ARFGEF2: variants seen among roughly 807,000 people sequenced by gnomAD.
ARFGEF2 encodes the protein brefeldin A-inhibited guanine nucleotide-exchange protein 2.
In ARFGEF2, 74 loss-of-function variants were observed where a neutral mutation model predicts 219.9. The ratio of observed to expected loss-of-function variants is 0.34; its 90% CI spans 0.28 to 0.41. The LOEUF (loss-of-function observed/expected upper bound fraction) is 0.41. ARFGEF2 is among the 10% of genes least tolerant of loss of function. ARFGEF2 has a pLI of 1.00. For missense variants in ARFGEF2, 1,743 were observed against 2,218.3 expected (o/e 0.79, Z 4.30); for synonymous variants, 733 against 799.2 (o/e 0.92, Z 1.40).
At chr20:49,008,337 C>T (rs543145798) in intron 26 of ARFGEF2, among the ~76,000 whole-genome samples, 6 of 151,786 alleles carry the variant, frequency 4.0e-5, no homozygotes, top group Admixed American at 3.3e-4. Context: ...TCGAGGCAGG[C>T]GGATCACCTG....
At chr20:48,957,648 G>A (rs558747268) in intron 6 of ARFGEF2, among the ~76,000 whole-genome samples, 1 of 152,262 alleles carries the variant, frequency 6.6e-6, no homozygotes, top group South Asian at 2.1e-4. Context: ...ACTTAGTAGT[G>A]GTTATCACAA....
chr20:48,986,939 A>G (rs1568722681), intron 16 of ARFGEF2, among the ~76,000 whole-genome samples: 1 of 152,142 alleles, frequency 6.6e-6, no homozygotes, highest in Non-Finnish European at 1.5e-5. Flanking sequence ...TCCTAGCCTC[A>G]AGGGATCCTC....
chr20:49,010,149 C>T, intron 26 of ARFGEF2, 83 bp from the exon 27 acceptor site: 1 of 1,508,734 alleles, frequency 6.6e-7, no homozygotes, highest in Admixed American at 1.8e-5. Context: ...TGTTTAAGTG[C>T]TGCTTCTAAG....
intron 14 of ARFGEF2, among the ~76,000 whole-genome samples, chr20:48,978,372 G>A (rs1036857413): frequency 1.3e-5 from 2 of 151,478 alleles, no homozygotes; most frequent in East Asian, 3.9e-4. Flanking sequence ...GTTTTGGTTA[G>A]CGTTGTAGTA....
chr20:49,011,772 G>C (rs2091499843), intron 27 of ARFGEF2, 152 bp from the exon 28 acceptor site: 14 of 991,750 alleles, frequency 1.4e-5, no homozygotes, highest in Non-Finnish European at 1.6e-5. Flanking sequence ...AAGAAAAACT[G>C]TCTTCCAAAG....
At chr20:49,026,117 TTGAGCCCAGGAGTTCAAGACCAGCC>T (rs1227534498) in intron 36 of ARFGEF2, among the ~76,000 whole-genome samples, 1 of 152,100 alleles carries the variant, frequency 6.6e-6, no homozygotes, top group East Asian at 1.9e-4. Flanking sequence ...GGCGGATTGC[TTGAGCCCAGGAGTTCAAGACCAGCC>T]TGGGCAACAT....
chr20:48,984,600 C>T, intron 14 of ARFGEF2, 129 bp from the exon 15 acceptor site: 1 of 1,207,214 alleles, frequency 8.3e-7, no homozygotes, highest in Non-Finnish European at 1.2e-6. Context: ...CCAGGACAGA[C>T]ATGACCTTGC....
chr20:48,942,546 G>A lies in ARFGEF2; in HGVS notation c.276+559G>A, dbSNP rs142893007. 7.6e-3 allele frequency among the ~76,000 whole-genome samples: 1,071 copies of A among 140,230 alleles called. 14 individuals carry two copies. The highest frequency in any genetic ancestry group is 0.026 in the African/African-American group (980 of 37,340). The allele number at this position is 140,230 out of a possible 152,430, so 92.0% of individuals were successfully genotyped here. On this transcript the variant is annotated intron_variant, in intron 3 of 38. Transcript: ENST00000371917. The stretch of plus-strand genomic sequence containing the variant: ...GTTGCCCAGACTGGAGTGCAATGGC[G>A]CGACCTCAGCTCACTGCAACGTCTG...
rs567823284 is a variant in ARFGEF2 at position 48,969,416 on chromosome 20, C to T, written c.1190+139C>T. ...TGTAAGTGCAGGAACGGTTTTACAA[C>T]TTTTCAGACTCATGCAGTCTCTAGA... On this transcript the variant is annotated intron_variant, in intron 9 of 38. Coordinates refer to ENST00000371917, the MANE Select transcript of ARFGEF2 (RefSeq NM_006420.3). 221 of 1,489,480 alleles carry T rather than the reference C, an allele frequency of 1.5e-4. 1 individual carries two copies. In the African/African-American group the frequency reaches 2.5e-3, roughly 17 times the overall value. 92.3% of individuals were successfully genotyped at this position (1,489,480 alleles called of 1,614,324 possible).
intron 18 of ARFGEF2, 142 bp downstream of exon 18, chr20:48,988,804 A>G (rs1030586289): frequency 3.8e-5 from 31 of 821,104 alleles, no homozygotes; most frequent in Non-Finnish European, 1.3e-5. Flanking sequence ...TATTGTGATT[A>G]TGTTGGGACT....
At chr20:49,029,696 A>G (rs2091622472) in intron 37 of ARFGEF2, among the ~76,000 whole-genome samples, 1 of 151,516 alleles carries the variant, frequency 6.6e-6, no homozygotes, top group Non-Finnish European at 1.5e-5. Context: ...GGTTCAACCA[A>G]TTCTCCTGCC....
Position 48,991,203 on chromosome 20 carries a change from G to A in ARFGEF2, c.2973+5G>A, listed in dbSNP as rs759306352. On this transcript the variant is annotated splice_donor_5th_base_variant and intron_variant, in intron 21 of 38. Transcript: ENST00000371917. ...CTTGGGAATTCCTGGCATGAGGTAC[G>A]TGTCTCTTTGAATTGCCTTTTCTCA... The A allele has an allele frequency of 2.7e-5, 44 of 1,614,090 alleles. No individual in the cohort carries two copies. The highest frequency in any genetic ancestry group is 5.0e-5 in the Admixed American group (3 of 60,012).
intron 6 of ARFGEF2, among the ~76,000 whole-genome samples, chr20:48,955,436 T>A (rs1373412308): frequency 6.6e-6 from 1 of 152,198 alleles, no homozygotes; most frequent in Non-Finnish European, 1.5e-5. Context: ...TTCTGTTCAC[T>A]TGTTCCTGCA....
chr20:49,017,789 A>G (rs529432655), intron 33 of ARFGEF2, among the ~76,000 whole-genome samples: 10 of 152,368 alleles, frequency 6.6e-5, no homozygotes, highest in Non-Finnish European at 1.2e-4. Context: ...GTGACCGTGC[A>G]TGCCTAGGAA....
intron 1 of ARFGEF2, among the ~76,000 whole-genome samples, chr20:48,927,132 A>G (rs1057356169): frequency 1.2e-4 from 18 of 152,286 alleles, no homozygotes; most frequent in African/African-American, 4.1e-4. Flanking sequence ...TTGTTTGTTT[A>G]TTTAAAGGTA....
intron 26 of ARFGEF2, 92 bp from the exon 27 acceptor site, chr20:49,010,140 G>GT (rs1555814336): frequency 1.4e-5 from 21 of 1,483,152 alleles, no homozygotes; most frequent in Middle Eastern, 2.4e-4. Flanking sequence ...TATAAGAAAT[G>GT]TTTAAGTGCT....
intron 1 of ARFGEF2, among the ~76,000 whole-genome samples, chr20:48,929,641 A>C (rs1364617598): frequency 2.6e-5 from 4 of 152,224 alleles, no homozygotes; most frequent in Admixed American, 2.0e-4. Context: ...TCCCTGAGGA[A>C]GTCTCACTCA....
Position 48,957,790 on chromosome 20 carries a change from A to C in ARFGEF2, c.838+4000A>C, listed in dbSNP as rs948944679. On this transcript the variant is annotated intron_variant, in intron 6 of 38. Coordinates refer to ENST00000371917, the MANE Select transcript of ARFGEF2 (RefSeq NM_006420.3). ...ATTTTTCCTTAGCAGCTCCCTCTTC[A>C]GGAACCTTCTGCTGGTATTCGGGCT... 2.0e-5 allele frequency among the ~76,000 whole-genome samples: 3 copies of C among 152,240 alleles called. No homozygotes were observed. The South Asian group carries it at 6.2e-4, about 32-fold the overall frequency.
chr20:48,958,046 C>G (rs2091115858), intron 6 of ARFGEF2, among the ~76,000 whole-genome samples: 1 of 152,160 alleles, frequency 6.6e-6, no homozygotes, highest in Admixed American at 6.5e-5. Flanking sequence ...TTTTAACTAA[C>G]TGGAACTACT....
Sources: allele counts gnomAD v4.1 joint callset (sites outside exome capture counted in the v4.1 genomes callset), GRCh38; gene constraint gnomAD v4.1.1; transcripts MANE v1.5; gene names NCBI Gene and HGNC (gene_info 2026-07-23, HGNC 2026-07-21).